Variants in FGF14 observed in about 807,000 individuals in gnomAD.
The protein encoded by FGF14 is fibroblast growth factor homologous factor 4.
FGF14 carries 5 observed loss-of-function variants against 25.5 expected under a neutral mutation model. That is an observed-to-expected ratio of 0.20 (90% CI 0.10 to 0.41). The LOEUF (loss-of-function observed/expected upper bound fraction) is 0.41. Among genes scored for constraint, FGF14 ranks in the 10% least tolerant of loss-of-function variants. FGF14 has a pLI of 1.00. For missense variants in FGF14, 222 were observed against 320.1 expected (o/e 0.69, Z 2.34); for synonymous variants, 138 against 118.3 (o/e 1.17, Z -1.08).
chr13:102,239,094 C>A (rs1429401525), intron 1 of FGF14, among the ~76,000 whole-genome samples: 1 of 151,456 alleles, frequency 6.6e-6, no homozygotes, highest in Non-Finnish European at 1.5e-5. Flanking sequence ...AAACAAAAAA[C>A]AAAAAACAAA....
intron 3 of FGF14, among the ~76,000 whole-genome samples, chr13:101,840,873 A>G (rs2984836): frequency 0.65 from 98,975 of 151,826 alleles, 32,866 homozygotes; most frequent in East Asian, 0.92. Context: ...AGTTTTAAAC[A>G]TTTTATGTCT....
intron 1 of FGF14, among the ~76,000 whole-genome samples, chr13:102,304,989 G>A (rs1197869749): frequency 6.6e-6 from 1 of 152,118 alleles, no homozygotes; most frequent in East Asian, 1.9e-4. Flanking sequence ...GAGTTTTGGG[G>A]AAATTTATTA....
In FGF14 at chr13:101,783,386, C is replaced by T. The variant is rs191468904; in HGVS notation, c.409-56576G>A. On this transcript the variant is annotated intron_variant, in intron 3 of 4. Coordinates refer to ENST00000376143, the MANE Select transcript of FGF14 (RefSeq NM_004115.4). ...TCAGGAGGTTGAGGCAGGAGAATCG[C>T]TTGAACCCAGGAGGCGGAGATTGCA... Among the ~76,000 whole-genome samples, 3 of 151,736 alleles carry T rather than the reference C, an allele frequency of 2.0e-5. No homozygotes were observed. In the East Asian group the frequency reaches 5.8e-4, roughly 29 times the overall value.
At chr13:102,345,625 T>C (rs2057083666) in intron 1 of FGF14, among the ~76,000 whole-genome samples, 1 of 152,246 alleles carries the variant, frequency 6.6e-6, no homozygotes, top group African/African-American at 2.4e-5. Flanking sequence ...AGAGTTAGCA[T>C]CTTCACCCAT....
chr13:102,399,831 G>A (rs992232017), intron 1 of FGF14, among the ~76,000 whole-genome samples: 1 of 152,062 alleles, frequency 6.6e-6, no homozygotes, highest in Admixed American at 6.5e-5. Flanking sequence ...AGGACTCAGG[G>A]CAGAGCCCAG....
At chr13:101,730,417 T>C (rs1042370646) in intron 3 of FGF14, among the ~76,000 whole-genome samples, 6 of 152,208 alleles carry the variant, frequency 3.9e-5, no homozygotes, top group African/African-American at 1.2e-4. Flanking sequence ...TTCTGAACTT[T>C]CTGGTAGCCA....
At chr13:102,114,266 G>T (rs975967733) in intron 1 of FGF14, among the ~76,000 whole-genome samples, 2 of 152,008 alleles carry the variant, frequency 1.3e-5, no homozygotes, top group African/African-American at 4.8e-5. Context: ...TTCATTTTTG[G>T]GTACTATTGA....
chr13:102,255,483 A>G (rs2052392300), intron 1 of FGF14, among the ~76,000 whole-genome samples: 1 of 152,254 alleles, frequency 6.6e-6, no homozygotes, highest in African/African-American at 2.4e-5. Flanking sequence ...AAAGGAATAA[A>G]TAAGATTTAT....
chr13:101,837,727 A>G (rs1364834394), intron 3 of FGF14, among the ~76,000 whole-genome samples: 4 of 152,090 alleles, frequency 2.6e-5, no homozygotes, highest in Non-Finnish European at 4.4e-5. Flanking sequence ...ACAATTTTCA[A>G]TTTATCCTGA....
At chr13:101,888,758 T>C (rs906490362) in intron 1 of FGF14, among the ~76,000 whole-genome samples, 7 of 152,202 alleles carry the variant, frequency 4.6e-5, no homozygotes, top group Non-Finnish European at 1.0e-4. Context: ...GTCTTCAAGA[T>C]TACCTTCTGA....
At chr13:102,307,290 C>G (rs2055441952) in intron 1 of FGF14, among the ~76,000 whole-genome samples, 1 of 152,056 alleles carries the variant, frequency 6.6e-6, no homozygotes, top group Non-Finnish European at 1.5e-5. Flanking sequence ...GAACGCAGGC[C>G]CCTGATGCCT....
intron 1 of FGF14, among the ~76,000 whole-genome samples, chr13:102,158,048 T>C (rs1456024084): frequency 2.0e-5 from 3 of 152,128 alleles, no homozygotes; most frequent in Non-Finnish European, 4.4e-5. Flanking sequence ...TGTGGAGAAA[T>C]AGGAATACTT....
At chr13:102,240,020 T>G (rs1182673506) in intron 1 of FGF14, among the ~76,000 whole-genome samples, 1 of 152,180 alleles carries the variant, frequency 6.6e-6, no homozygotes, top group East Asian at 1.9e-4. Flanking sequence ...AAAGGCACAC[T>G]TATAAAATGT....
intron 1 of FGF14, among the ~76,000 whole-genome samples, chr13:102,157,809 TCAAA>T (rs1284363357): frequency 6.6e-6 from 1 of 151,966 alleles, no homozygotes; most frequent in African/African-American, 2.4e-5. Flanking sequence ...TACAAAGAAC[TCAAA>T]CAAATTTACA....
chr13:101,962,532 T>C (rs911956393), intron 1 of FGF14, among the ~76,000 whole-genome samples: 14 of 152,060 alleles, frequency 9.2e-5, no homozygotes, highest in Non-Finnish European at 1.3e-4. Flanking sequence ...CCAAAGGCAC[T>C]CAAGGGAATA....
intron 1 of FGF14, among the ~76,000 whole-genome samples, chr13:102,355,814 T>C (rs1381228391): frequency 3.3e-5 from 5 of 152,156 alleles, no homozygotes; most frequent in Non-Finnish European, 7.4e-5. Context: ...CTTCCTTCGA[T>C]TAATTTTTCT....
At chr13:102,242,584 A>G (rs2051658081) in intron 1 of FGF14, among the ~76,000 whole-genome samples, 2 of 152,102 alleles carry the variant, frequency 1.3e-5, no homozygotes, top group Non-Finnish European at 1.5e-5. Context: ...GCCCACTCTC[A>G]TGATAACAGC....
At chr13:101,781,770 A>C (rs2039502755) in intron 3 of FGF14, among the ~76,000 whole-genome samples, 1 of 152,208 alleles carries the variant, frequency 6.6e-6, no homozygotes, top group African/African-American at 2.4e-5. Context: ...TTTTTAAAGA[A>C]GCTTAGAGAG....
intron 1 of FGF14, among the ~76,000 whole-genome samples, chr13:102,306,900 G>A (rs999900582): frequency 3.3e-5 from 5 of 152,096 alleles, no homozygotes; most frequent in African/African-American, 1.2e-4. Flanking sequence ...TTCAGAATCT[G>A]TGCCCATATT....
Sources: allele counts gnomAD v4.1 joint callset (sites outside exome capture counted in the v4.1 genomes callset), GRCh38; gene constraint gnomAD v4.1.1; transcripts MANE v1.5; gene names NCBI Gene and HGNC (gene_info 2026-07-23, HGNC 2026-07-21).